Variants in AGGF1 observed in about 807,000 individuals in gnomAD.
The protein encoded by AGGF1 is angiogenic factor with G-patch and FHA domains 1, also known as angiogenic factor with G patch and FHA domains 1.
Under a neutral mutation model 86.5 loss-of-function variants are expected in AGGF1, and 56 were observed. That is an observed-to-expected ratio of 0.65 (90% confidence interval 0.52 to 0.81). The LOEUF (loss-of-function observed/expected upper bound fraction) is 0.81, where lower values mean the gene tolerates loss of function less well. Among genes scored for constraint, AGGF1 ranks in the 30% least tolerant of loss-of-function variants. The pLI is 0.00. For synonymous variants in AGGF1, 313 were observed against 297.1 expected (o/e 1.05, Z -0.55); for missense variants, 816 against 850.9 (o/e 0.96, Z 0.51).
At chr5:77,048,360 T>G in intron 7 of AGGF1, 88 bp downstream of exon 7, 1 of 1,184,208 alleles carries the variant, frequency 8.4e-7, no homozygotes. Flanking sequence ...TTTGTTTGTT[T>G]TTTGTTTTTG....
intron 6 of AGGF1, among the ~76,000 whole-genome samples, chr5:77,046,890 T>C (rs1561287936): frequency 6.6e-6 from 1 of 152,230 alleles, no homozygotes; most frequent in Non-Finnish European, 1.5e-5. Flanking sequence ...GAAGGTTTCA[T>C]TGTATTGAAT....
chr5:77,047,628 C>G (rs1747292861), intron 6 of AGGF1, among the ~76,000 whole-genome samples: 1 of 152,064 alleles, frequency 6.6e-6, no homozygotes, highest in African/African-American at 2.4e-5. Flanking sequence ...ATTCTCTTGC[C>G]TCAGCCTCCC....
At chr5:77,032,531 T>C (rs1396520453) in intron 1 of AGGF1, among the ~76,000 whole-genome samples, 1 of 123,736 alleles carries the variant, frequency 8.1e-6, no homozygotes, top group Non-Finnish European at 1.6e-5. Flanking sequence ...GCCACTGCAC[T>C]CCAGCCTGGG....
intron 4 of AGGF1, 90 bp from the exon 5 acceptor site, chr5:77,039,441 A>C: frequency 1.0e-6 from 1 of 998,804 alleles, no homozygotes; most frequent in Non-Finnish European, 1.5e-6. Context: ...GTTCAAAGAA[A>C]TATTTACCAC....
chr5:77,032,271 AAAAC>A (rs1482576771), intron 1 of AGGF1, among the ~76,000 whole-genome samples: 4 of 143,802 alleles, frequency 2.8e-5, no homozygotes, highest in African/African-American at 9.9e-5. Flanking sequence ...AAAAAAAAAA[AAAAC>A]AGGGAGAGGT....
At chr5:77,042,948 G>A (rs1580127833) in intron 5 of AGGF1, among the ~76,000 whole-genome samples, 2 of 54,458 alleles carry the variant, frequency 3.7e-5, no homozygotes, top group South Asian at 1.4e-3. Flanking sequence ...GCGGCTGGCC[G>A]GGCGGGGGGC....
In AGGF1 at chr5:77,046,410, A is replaced by T. The variant is rs1278398936; in HGVS notation, c.934A>T (p.Asn312Tyr). Residue 312 changes from asparagine (N) to tyrosine (Y), a missense_variant, in exon 6 of 14, where the codon AAT becomes TAT. By Grantham distance (143) the Asn-to-Tyr change is moderately radical (BLOSUM62 -2). This residue lies in a region of AGGF1 where 565 missense variants were observed against 585.8 expected (regional missense o/e 0.96). Coordinates refer to ENST00000312916, the MANE Select transcript of AGGF1 (RefSeq NM_018046.5). ...ACATACAAGCTGCAATGAGGAAGAA[A>T]ATTTCGCAAATATGAAAAAGAAGGC... ...VEHTSCNEEE[N>Y]FANMKKKAKI... The T allele has an allele frequency of 6.2e-6, 10 of 1,614,010 alleles. No individual in the cohort carries two copies. The highest frequency in any genetic ancestry group is 8.5e-6 in the Non-Finnish European group (10 of 1,179,986).
At chr5:77,055,022 T>C (rs1482094979) in intron 10 of AGGF1, among the ~76,000 whole-genome samples, 2 of 152,228 alleles carry the variant, frequency 1.3e-5, no homozygotes, top group Non-Finnish European at 2.9e-5. Flanking sequence ...TGCTTTGAAC[T>C]AGTAAGAGGT....
rs74461967 is a variant in AGGF1, at chr5:77,045,762, G to A, written c.871-585G>A. 7.1e-3 allele frequency among the ~76,000 whole-genome samples: 1,086 copies of A among 152,252 alleles called. 10 individuals carry two copies. Among genetic ancestry groups the A allele is most frequent in the African/African-American group, 0.022 (920 of 41,534 alleles). On this transcript the variant is annotated intron_variant, in intron 5 of 13. Coordinates refer to ENST00000312916, the MANE Select transcript of AGGF1 (RefSeq NM_018046.5). Reference sequence around the variant, plus strand: ...AAAATTTAGAATAGGTATTCTTTAGGCCTGCACTATCCAGTAAGGTAGCCA... The same window carrying A: ...AAAATTTAGAATAGGTATTCTTTAGACCTGCACTATCCAGTAAGGTAGCCA...
intron 8 of AGGF1, among the ~76,000 whole-genome samples, chr5:77,051,655 T>C (rs1425853345): frequency 6.6e-6 from 1 of 152,218 alleles, no homozygotes; most frequent in African/African-American, 2.4e-5. Context: ...AAGTTGAAGA[T>C]TTGCTTATGT....
At chr5:77,050,775 A>G (rs1747358776) in intron 8 of AGGF1, among the ~76,000 whole-genome samples, 1 of 152,202 alleles carries the variant, frequency 6.6e-6, no homozygotes, top group Non-Finnish European at 1.5e-5. Context: ...ATGACACAAT[A>G]TACATTATTT....
At position 77,033,919 on chromosome 5, in the gene AGGF1, C is replaced by T. The variant is rs535966403; in HGVS notation, c.211-499C>T. 4.4e-4 allele frequency among the ~76,000 whole-genome samples: 67 copies of T among 152,200 alleles called. 1 individual carries two copies. Among genetic ancestry groups the T allele is most frequent in the Admixed American group, 4.3e-3 (66 of 15,282 alleles). ...TGGAGGACAGATGCCCCTCTCAGGCCGTCACCTTCCCTGTTCTCTTCTGCT... is the reference window on the plus strand; with the variant it reads ...TGGAGGACAGATGCCCCTCTCAGGCTGTCACCTTCCCTGTTCTCTTCTGCT... On this transcript the variant is annotated intron_variant, in intron 1 of 13. Transcript: ENST00000312916.
Position 77,030,727 on chromosome 5 carries a change from C to A in AGGF1, c.-40C>A. On this transcript the variant is annotated 5_prime_UTR_variant, in exon 1 of 14. Transcript: ENST00000312916. ...GCCGGCGTCCGTTTCGGCCTGAACG[C>A]AGCCCCTCCGCGGCGACGAGCAGTC... The A allele has an allele frequency of 6.5e-7, 1 of 1,544,578 alleles. No homozygotes were observed. Among genetic ancestry groups the A allele is most frequent in the Non-Finnish European group, 8.7e-7 (1 of 1,151,272 alleles).
Position 77,030,454 on chromosome 5 carries a change from G to A in AGGF1, c.-313G>A. ...AGCTGCTGGAGCTCTTCTGGCCTCT[G>A]GTTTTCCGACTGCTTATCCGACGCT... On this transcript the variant is annotated 5_prime_UTR_variant, in exon 1 of 14. Coordinates refer to ENST00000312916, the MANE Select transcript of AGGF1 (RefSeq NM_018046.5). 1.8e-6 allele frequency: 1 copy of A among 564,372 alleles called. No homozygotes were observed. Among genetic ancestry groups the A allele is most frequent in the African/African-American group, 1.9e-5 (1 of 53,828 alleles). 35.0% of individuals were successfully genotyped at this position (564,372 alleles called of 1,614,324 possible).
rs1746825474 is a variant in AGGF1 at position 77,030,714 on chromosome 5, T to C, written c.-53T>C. 1 of 1,535,244 alleles carries C rather than the reference T, an allele frequency of 6.5e-7. No homozygotes were observed. The highest frequency in any genetic ancestry group is 8.7e-7 in the Non-Finnish European group (1 of 1,144,986). On this transcript the variant is annotated 5_prime_UTR_variant, in exon 1 of 14. Transcript: ENST00000312916. ...GGTCTCTGGGTCCGCCGGCGTCCGT[T>C]TCGGCCTGAACGCAGCCCCTCCGCG...
At chr5:77,041,781 CTTTTTTTA>C (rs1296769483) in intron 5 of AGGF1, among the ~76,000 whole-genome samples, 36 of 106,526 alleles carry the variant, frequency 3.4e-4, no homozygotes, top group African/African-American at 1.1e-3. Context: ...AAGACAAGAA[CTTTTTTTA>C]TTTATTTATT....
intron 9 of AGGF1, among the ~76,000 whole-genome samples, chr5:77,053,596 CA>C (rs1211660595): frequency 1.5e-4 from 23 of 152,118 alleles, no homozygotes; most frequent in African/African-American, 5.3e-4. Flanking sequence ...ACTGAGTTAT[CA>C]AGAGAGAAGA....
chr5:77,041,155 A>G (rs1475619911), intron 5 of AGGF1, among the ~76,000 whole-genome samples: 2 of 152,206 alleles, frequency 1.3e-5, no homozygotes, highest in Non-Finnish European at 2.9e-5. Context: ...TTTTTTGTGA[A>G]CAATACTTAG....
Position 77,063,276 on chromosome 5 carries a change from T to G in AGGF1, c.*24T>G, listed in dbSNP as rs768304470. On this transcript the variant is annotated 3_prime_UTR_variant, in exon 14 of 14. Transcript: ENST00000312916. ...GAAGGCTAATCATAGAAAAAAAACC[T>G]CTAGTTTTTTTAAAAATAGAATTTG... 6.6e-7 allele frequency: 1 copy of G among 1,505,346 alleles called. No homozygotes were observed. Among genetic ancestry groups the G allele is most frequent in the Non-Finnish European group, 9.2e-7 (1 of 1,083,340 alleles). The allele number at this position is 1,505,346 out of a possible 1,614,324, so 93.2% of individuals were successfully genotyped here. A position where few individuals can be genotyped will look rare whatever the true frequency, so the allele number is the denominator to read the frequency against.
Sources: gnomAD v4.1 joint callset for allele counts (sites outside exome capture counted in the v4.1 genomes callset) on GRCh38, gnomAD v4.1.1 for gene constraint, gnomAD v4.1.1 regional missense constraint, MANE v1.5 for transcripts, NCBI Gene and HGNC (gene_info 2026-07-23, HGNC 2026-07-21) for gene names.